Variants in PCSK5 observed in about 807,000 individuals in gnomAD.
PCSK5 encodes the protein prohormone convertase 5.
In PCSK5, 129 loss-of-function variants were observed where a neutral mutation model predicts 233.2. That is an observed-to-expected ratio of 0.55 (90% CI 0.48 to 0.64). The LOEUF (loss-of-function observed/expected upper bound fraction) is 0.64, where lower values mean the gene tolerates loss of function less well. Among genes scored for constraint, PCSK5 ranks in the 30% least tolerant of loss-of-function variants. PCSK5 has a pLI of 0.00. For synonymous variants in PCSK5, 825 were observed against 879.2 expected (o/e 0.94, Z 1.09); for missense variants, 2,076 against 2,430.1 (o/e 0.85, Z 3.06).
intron 2 of PCSK5, among the ~76,000 whole-genome samples, chr9:75,935,588 G>C (rs1824019995): frequency 6.6e-6 from 1 of 151,926 alleles, no homozygotes. Flanking sequence ...CAAATTTTTT[G>C]ATTGCCTCTT....
At chr9:76,123,208 C>A (rs1237333624) in intron 9 of PCSK5, among the ~76,000 whole-genome samples, 1 of 152,070 alleles carries the variant, frequency 6.6e-6, no homozygotes, top group Non-Finnish European at 1.5e-5. Flanking sequence ...GCTGTTACAT[C>A]TTTATTTTAG....
At chr9:76,214,484 G>C (rs1825450355) in intron 20 of PCSK5, among the ~76,000 whole-genome samples, 1 of 152,038 alleles carries the variant, frequency 6.6e-6, no homozygotes, top group Non-Finnish European at 1.5e-5. Context: ...CTGACTTCTT[G>C]GTTTAAGTCC....
At chr9:76,223,389 A>G (rs1825791091) in intron 20 of PCSK5, among the ~76,000 whole-genome samples, 1 of 152,230 alleles carries the variant, frequency 6.6e-6, no homozygotes, top group African/African-American at 2.4e-5. Context: ...GCTATGATAC[A>G]TGTTCAGTTA....
intron 1 of PCSK5, among the ~76,000 whole-genome samples, chr9:75,905,442 A>G (rs1033738433): frequency 2.7e-4 from 41 of 152,234 alleles, no homozygotes; most frequent in African/African-American, 9.2e-4. Flanking sequence ...GCTTGAGCCC[A>G]AGAATTTTGA....
intron 2 of PCSK5, among the ~76,000 whole-genome samples, chr9:75,947,792 G>T (rs1256669055): frequency 2.0e-5 from 3 of 152,174 alleles, no homozygotes; most frequent in African/African-American, 2.4e-5. Context: ...CAGGAATGAG[G>T]TAGCATGAGA....
chr9:75,891,785 C>G (rs1223582419), intron 1 of PCSK5, among the ~76,000 whole-genome samples: 1 of 151,864 alleles, frequency 6.6e-6, no homozygotes, highest in Admixed American at 6.6e-5. Context: ...AGGGGGTGAG[C>G]GCGCCTCTGA....
chr9:76,261,500 C>G (rs1250558355), intron 24 of PCSK5, among the ~76,000 whole-genome samples: 1 of 152,070 alleles, frequency 6.6e-6, no homozygotes, highest in Non-Finnish European at 1.5e-5. Context: ...AGGGCCAAAT[C>G]AAGAATGGAA....
chr9:75,944,120 A>C (rs541991396), intron 2 of PCSK5, among the ~76,000 whole-genome samples: 1 of 152,040 alleles, frequency 6.6e-6, no homozygotes, highest in East Asian at 1.9e-4. Context: ...CCGAGATTAC[A>C]CCACTGCACT....
intron 20 of PCSK5, among the ~76,000 whole-genome samples, chr9:76,199,826 T>A (rs1824850914): frequency 6.6e-6 from 1 of 152,112 alleles, no homozygotes; most frequent in Non-Finnish European, 1.5e-5. Flanking sequence ...ACCTGTAGAT[T>A]CAATTAACTA....
At chr9:76,023,665 G>T in intron 3 of PCSK5, 73 bp from the exon 4 acceptor site, 1 of 1,363,550 alleles carries the variant, frequency 7.3e-7, no homozygotes, top group Non-Finnish European at 1.0e-6. Context: ...AAAAACAAAA[G>T]AAAGAAAGAA....
intron 20 of PCSK5, among the ~76,000 whole-genome samples, chr9:76,204,044 C>T (rs1352098433): frequency 6.6e-6 from 1 of 152,152 alleles, no homozygotes; most frequent in Non-Finnish European, 1.5e-5. Context: ...AGGACAGTGC[C>T]TATATGTATT....
rs71372041 is a variant in PCSK5, at chr9:76,046,160, G to GTTTTTTTTTTTTTTTTTTTTTTTTTT, written c.632+19133_632+19158dup. On this transcript the variant is annotated intron_variant, in intron 5 of 37. Coordinates refer to ENST00000674117, the MANE Select transcript of PCSK5 (RefSeq NM_001372043.1). The stretch of plus-strand genomic sequence containing the variant: ...GCATTAACACATAATTTTTTCTTTT[G>GTTTTTTTTTTTTTTTTTTTTTTTTTT]TTTTTTTTTTTTTTTTTTTTTTTTT... Among the ~76,000 whole-genome samples, 4 of 58,024 alleles carry GTTTTTTTTTTTTTTTTTTTTTTTTTT rather than the reference G, an allele frequency of 6.9e-5. 1 individual carries two copies. The highest frequency in any genetic ancestry group is 9.4e-5 in the Non-Finnish European group (3 of 31,966). The allele number at this position is 58,024 out of a possible 152,430, so 38.1% of individuals were successfully genotyped here.
intron 10 of PCSK5, among the ~76,000 whole-genome samples, chr9:76,149,252 T>C (rs983828443): frequency 6.6e-6 from 1 of 152,230 alleles, no homozygotes; most frequent in African/African-American, 2.4e-5. Context: ...TGACAAGGAA[T>C]AATTTTTCTT....
At chr9:76,137,298 T>C (rs896145783) in intron 10 of PCSK5, among the ~76,000 whole-genome samples, 3 of 152,098 alleles carry the variant, frequency 2.0e-5, no homozygotes, top group African/African-American at 7.2e-5. Context: ...CAGAGAACTT[T>C]CTTCTCCTTT....
chr9:76,038,155 A>C (rs1587533346), intron 5 of PCSK5, among the ~76,000 whole-genome samples: 1 of 151,930 alleles, frequency 6.6e-6, no homozygotes, highest in South Asian at 2.1e-4. Flanking sequence ...AAAGGATCAC[A>C]CCCCCTCCCA....
intron 7 of PCSK5, among the ~76,000 whole-genome samples, chr9:76,074,479 G>T (rs1830577758): frequency 6.6e-6 from 1 of 152,144 alleles, no homozygotes; most frequent in Non-Finnish European, 1.5e-5. Context: ...TCTAAATATG[G>T]AAAAACTGTG....
chr9:76,248,759 T>G (rs1469462993), intron 24 of PCSK5, among the ~76,000 whole-genome samples: 2 of 152,214 alleles, frequency 1.3e-5, no homozygotes, highest in African/African-American at 4.8e-5. Context: ...GGTACTCAAG[T>G]AGATAATATC....
intron 2 of PCSK5, among the ~76,000 whole-genome samples, chr9:75,980,865 C>T (rs545375303): frequency 1.3e-5 from 2 of 151,754 alleles, no homozygotes; most frequent in Non-Finnish European, 2.9e-5. Flanking sequence ...AGTACTAAAA[C>T]GTTTTCTTAA....
intron 1 of PCSK5, among the ~76,000 whole-genome samples, chr9:75,925,205 T>C (rs1823431176): frequency 6.6e-6 from 1 of 152,206 alleles, no homozygotes; most frequent in Admixed American, 6.6e-5. Flanking sequence ...TTATTGGTGA[T>C]ACATTCTTAA....
Sources: allele counts gnomAD v4.1 joint callset (sites outside exome capture counted in the v4.1 genomes callset), GRCh38; gene constraint gnomAD v4.1.1; transcripts MANE v1.5; gene names NCBI Gene and HGNC (gene_info 2026-07-23, HGNC 2026-07-21).